Variants in HECW1 observed in about 807,000 individuals in gnomAD.
HECW1 encodes the protein E3 ubiquitin-protein ligase HECW1.
HECW1 carries 61 observed loss-of-function variants against 182.3 expected under a neutral mutation model. That is an observed-to-expected ratio of 0.33 (90% confidence interval 0.27 to 0.41). HECW1 has a LOEUF of 0.41. Ranked by LOEUF, HECW1 falls within the 10% of genes least tolerant of loss-of-function variation. The probability of loss-of-function intolerance (pLI) is 1.00; values close to 1 mark genes in which losing one functional copy is unlikely to be tolerated. For missense variants in HECW1, 1,739 were observed against 2,108.9 expected (o/e 0.82, Z 3.44); for synonymous variants, 859 against 832.6 (o/e 1.03, Z -0.55).
chr7:43,401,572 T>G (rs927518536), intron 7 of HECW1, among the ~76,000 whole-genome samples: 3 of 145,080 alleles, frequency 2.1e-5, no homozygotes, highest in East Asian at 2.2e-4. Flanking sequence ...AAAAGGTTTT[T>G]TTTTTTTTTT....
At chr7:43,222,878 T>C (rs1403892393) in intron 2 of HECW1, among the ~76,000 whole-genome samples, 1 of 152,136 alleles carries the variant, frequency 6.6e-6, no homozygotes, top group Non-Finnish European at 1.5e-5. Context: ...TCCCATCCCA[T>C]CTTATGACCT....
intron 2 of HECW1, chr7:43,240,001 A>C (rs1248297772): frequency 1.3e-5 from 2 of 152,218 alleles, no homozygotes; most frequent in Non-Finnish European, 1.5e-5. Context: ...TGGCTTTTCA[A>C]AAGCAAATGT....
At chr7:43,209,357 C>T (rs1370491004) in intron 2 of HECW1, among the ~76,000 whole-genome samples, 5 of 152,258 alleles carry the variant, frequency 3.3e-5, no homozygotes, top group African/African-American at 7.2e-5. Flanking sequence ...CCAGGGCCTG[C>T]GGGTGTGTGA....
intron 24 of HECW1, among the ~76,000 whole-genome samples, chr7:43,527,533 T>C (rs984792804): frequency 1.3e-5 from 2 of 152,182 alleles, no homozygotes; most frequent in African/African-American, 4.8e-5. Flanking sequence ...GTCGATGGAT[T>C]AGGGCCCACC....
rs4724222 is a variant in HECW1, at chr7:43,555,467, A to G, written c.4709+677A>G. Reference sequence around the variant, plus strand: ...GGAAGCACTGAAGAGACAGTTGTGCATAGGCGCTATAGTGAGAAACGCTGC... The same window carrying G: ...GGAAGCACTGAAGAGACAGTTGTGCGTAGGCGCTATAGTGAGAAACGCTGC... On this transcript the variant is annotated intron_variant, in intron 29 of 29. Transcript: ENST00000395891. Among the ~76,000 whole-genome samples the G allele has an allele frequency of 9.9e-3, 1,513 of 152,342 alleles. 73 individuals carry two copies. Among genetic ancestry groups the G allele is most frequent in the Admixed American group, 0.072 (1,101 of 15,302 alleles).
chr7:43,516,335 G>T (rs1031365370), intron 24 of HECW1, among the ~76,000 whole-genome samples: 1 of 151,850 alleles, frequency 6.6e-6, no homozygotes, highest in Non-Finnish European at 1.5e-5. Context: ...ATGGACGGAT[G>T]GAATACTTCT....
At chr7:43,123,221 G>C (rs2152607516) in intron 2 of HECW1, among the ~76,000 whole-genome samples, 1 of 152,340 alleles carries the variant, frequency 6.6e-6, no homozygotes, top group East Asian at 1.9e-4. Context: ...TGTCTTTACA[G>C]AGTGAGCTCC....
chr7:43,184,007 T>C (rs1793117691), intron 2 of HECW1, among the ~76,000 whole-genome samples: 1 of 151,428 alleles, frequency 6.6e-6, no homozygotes, highest in South Asian at 2.1e-4. Context: ...CCAATTCTTT[T>C]ATTATTATTA....
intron 2 of HECW1, among the ~76,000 whole-genome samples, chr7:43,123,370 G>A (rs1006107): frequency 0.12 from 18,336 of 152,108 alleles, 1,477 homozygotes; most frequent in Middle Eastern, 0.23. Context: ...TGTACCTGCC[G>A]TTGACCTTGG....
At chr7:43,492,292 G>T (rs1386989743) in intron 18 of HECW1, 112 bp downstream of exon 18, 4 of 723,002 alleles carry the variant, frequency 5.5e-6, no homozygotes, top group Non-Finnish European at 9.3e-6. Context: ...TCAACATTCT[G>T]TCTTTCCTTT....
At chr7:43,392,798 G>T (rs1251998649) in intron 6 of HECW1, among the ~76,000 whole-genome samples, 1 of 152,152 alleles carries the variant, frequency 6.6e-6, no homozygotes, top group African/African-American at 2.4e-5. Context: ...GAGACTAAAG[G>T]CCGAGGGAGC....
chr7:43,407,584 G>A lies in HECW1; in HGVS notation c.654G>A (p.Lys218=), dbSNP rs201174011. The A allele has an allele frequency of 6.5e-5, 105 of 1,612,868 alleles. No individual in the cohort carries two copies. The highest frequency in any genetic ancestry group is 8.2e-5 in the Non-Finnish European group (97 of 1,179,204). The change falls in exon 8 of 30, where the codon AAG becomes AAA. Residue 218 remains lysine (K), a synonymous_variant. Coordinates refer to ENST00000395891, the MANE Select transcript of HECW1 (RefSeq NM_015052.5). ...SLSDFQAMGL[K]KGMFFNPDPY... is the part of the protein sequence containing the mutation. ...TAGATTTCCAAGCCATGGGGTTGAA[G>A]AAAGGGATGTTTTTCAACCCAGACC...
chr7:43,374,850 A>T (rs1408608902), intron 6 of HECW1, among the ~76,000 whole-genome samples: 1 of 151,636 alleles, frequency 6.6e-6, no homozygotes, highest in East Asian at 1.9e-4. Flanking sequence ...TTTTTTATCT[A>T]AAAAAATACA....
intron 5 of HECW1, among the ~76,000 whole-genome samples, chr7:43,350,679 C>T (rs560171645): frequency 9.4e-4 from 143 of 152,290 alleles, no homozygotes; most frequent in African/African-American, 3.3e-3. Flanking sequence ...GAGCATTTCA[C>T]ATTTCTAAAA....
chr7:43,372,423 TATGTATACAC>T (rs66483006), intron 6 of HECW1, among the ~76,000 whole-genome samples: 91,268 of 151,388 alleles, frequency 0.6, 27,616 homozygotes, highest in Middle Eastern at 0.67. Flanking sequence ...GTTTGTTACA[TATGTATACAC>T]ATGTATACAT....
At chr7:43,404,382 T>C (rs985267453) in intron 7 of HECW1, among the ~76,000 whole-genome samples, 1 of 152,226 alleles carries the variant, frequency 6.6e-6, no homozygotes, top group Admixed American at 6.5e-5. Context: ...ATAAATTCAA[T>C]GCAGTTCTAA....
intron 2 of HECW1, chr7:43,241,118 C>G (rs1301740940): frequency 2.6e-5 from 4 of 152,284 alleles, no homozygotes; most frequent in Admixed American, 2.6e-4. Context: ...GGGATTTCCT[C>G]TACTTGAAAT....
chr7:43,408,554 T>C (rs911085575), intron 8 of HECW1, among the ~76,000 whole-genome samples: 2 of 147,372 alleles, frequency 1.4e-5, no homozygotes, highest in African/African-American at 5.0e-5. Flanking sequence ...AGCCTGGCGG[T>C]GTGTGCCTGT....
At chr7:43,538,057 A>G (rs771409252) in intron 24 of HECW1, among the ~76,000 whole-genome samples, 1 of 152,166 alleles carries the variant, frequency 6.6e-6, no homozygotes, top group Non-Finnish European at 1.5e-5. Context: ...CGAGACTCAG[A>G]TTTCTTCCCT....
Sources: allele counts gnomAD v4.1 joint callset (sites outside exome capture counted in the v4.1 genomes callset), GRCh38; gene constraint gnomAD v4.1.1; transcripts MANE v1.5; gene names NCBI Gene and HGNC (gene_info 2026-07-23, HGNC 2026-07-21).